TENM3: variants seen among roughly 807,000 people sequenced by gnomAD.
The protein encoded by TENM3 is teneurin-3.
In TENM3, 63 loss-of-function variants were observed where a neutral mutation model predicts 255.1. That is an observed-to-expected ratio of 0.25 (90% CI 0.20 to 0.30). The LOEUF is 0.30. TENM3 is among the 10% of genes least tolerant of loss of function. The pLI is 1.00. For missense variants in TENM3, 2,929 were observed against 3,461.1 expected, an observed-to-expected ratio of 0.85 and a Z score of 3.86; for synonymous variants, 1,306 against 1,322.3, an observed-to-expected ratio of 0.99 and a Z score of 0.27.
At chr4:182,571,264 G>A (rs558186629) in intron 3 of TENM3, among the ~76,000 whole-genome samples, 13 of 152,250 alleles carry the variant, frequency 8.5e-5, no homozygotes, top group East Asian at 3.9e-4. Flanking sequence ...GATGGCTCCC[G>A]CCTGTAATCC....
intron 1 of TENM3, among the ~76,000 whole-genome samples, chr4:182,220,388 A>AAAAAAAAAC (rs1755780434): frequency 6.7e-6 from 1 of 149,872 alleles, no homozygotes; most frequent in African/African-American, 2.5e-5. Context: ...CAAAAAAAAA[A>AAAAAAAAAC]AAAAAAAAAA....
the TENM3 span, among the ~76,000 whole-genome samples, chr4:181,669,047 T>C: frequency 1.3e-5 from 2 of 152,166 alleles, no homozygotes; most frequent in African/African-American, 4.8e-5. Flanking sequence ...TCATTAGTAG[T>C]AACTCAGGCT....
At chr4:182,777,956 C>T (rs1171895706) in intron 24 of TENM3, among the ~76,000 whole-genome samples, 1 of 151,490 alleles carries the variant, frequency 6.6e-6, no homozygotes, top group East Asian at 1.9e-4. Flanking sequence ...TTCTGTGAAA[C>T]AGTACATTAG....
intron 3 of TENM3, among the ~76,000 whole-genome samples, chr4:182,486,006 G>A (rs1734667878): frequency 6.6e-6 from 1 of 152,120 alleles, no homozygotes; most frequent in Non-Finnish European, 1.5e-5. Flanking sequence ...AAGGAAAGCT[G>A]AGCTAGGGAC....
At chr4:182,346,624 T>G in intron 2 of TENM3, 27 bp from the exon 3 acceptor site, 3 of 1,594,476 alleles carry the variant, frequency 1.9e-6, no homozygotes, top group Non-Finnish European at 2.6e-6. Context: ...TACTCACTAG[T>G]TGTTATCTTT....
Position 182,621,737 on chromosome 4 carries a change from A to T in TENM3, c.750-6914A>T, listed in dbSNP as rs62339132. ...AATATATATTATATATAAAATATAT[A>T]ATATATAATATATTATAATATATAA... On this transcript the variant is annotated intron_variant, in intron 4 of 27. Coordinates refer to ENST00000511685, the MANE Select transcript of TENM3 (RefSeq NM_001080477.4). 0.012 allele frequency among the ~76,000 whole-genome samples: 25 copies of T among 2,154 alleles called. 2 individuals are homozygous for T. In the East Asian group the frequency reaches 0.19, roughly 16 times the overall value. The allele number at this position is 2,154 out of a possible 152,430, so 1.4% of individuals were successfully genotyped here. A position where few individuals can be genotyped will look rare whatever the true frequency, so the allele number is the denominator to read the frequency against.
intron 22 of TENM3, among the ~76,000 whole-genome samples, chr4:182,766,511 A>C (rs1007664929): frequency 6.6e-6 from 1 of 152,186 alleles, no homozygotes. Flanking sequence ...AGGCCTGTGA[A>C]TTTCAGAGCT....
chr4:181,759,544 G>A, the TENM3 span, among the ~76,000 whole-genome samples: 1 of 152,040 alleles, frequency 6.6e-6, no homozygotes, highest in African/African-American at 2.4e-5. Context: ...CTGTTCATAA[G>A]CATGAAAAAC....
chr4:182,582,926 T>G (rs548287031), intron 3 of TENM3, among the ~76,000 whole-genome samples: 1 of 152,230 alleles, frequency 6.6e-6, no homozygotes, highest in Admixed American at 6.5e-5. Context: ...CTCTTTTCCC[T>G]GTGCAGTATC....
At chr4:182,283,892 C>T (rs569361949) in intron 1 of TENM3, among the ~76,000 whole-genome samples, 6 of 152,134 alleles carry the variant, frequency 3.9e-5, no homozygotes, top group Admixed American at 1.3e-4. Context: ...TATTTTTAAG[C>T]GGTTTAAGAA....
chr4:182,538,157 G>A (rs951880487), intron 3 of TENM3, among the ~76,000 whole-genome samples: 3 of 152,104 alleles, frequency 2.0e-5, no homozygotes, highest in Admixed American at 1.3e-4. Flanking sequence ...GCATCCGCAC[G>A]TCTCTTCTGT....
upstream of TENM3, among the ~76,000 whole-genome samples, chr4:182,241,335 CAT>C (rs1258659794): frequency 2.0e-5 from 3 of 152,228 alleles, no homozygotes; most frequent in Non-Finnish European, 4.4e-5. Flanking sequence ...GGTCAACACA[CAT>C]GTTCTCTGTT....
At chr4:181,553,866 C>A in the TENM3 span, among the ~76,000 whole-genome samples, 1 of 151,874 alleles carries the variant, frequency 6.6e-6, no homozygotes, top group East Asian at 1.9e-4. Context: ...CAGGACTTCT[C>A]CCTTTAAGTG....
chr4:182,472,795 A>G (rs2151462082), intron 3 of TENM3, among the ~76,000 whole-genome samples: 1 of 152,210 alleles, frequency 6.6e-6, no homozygotes, highest in Non-Finnish European at 1.5e-5. Context: ...AGCTCATTAC[A>G]GCTTTGACCT....
chr4:182,694,403 C>T (rs983375838), intron 12 of TENM3, among the ~76,000 whole-genome samples: 1 of 152,052 alleles, frequency 6.6e-6, no homozygotes, highest in African/African-American at 2.4e-5. Context: ...CATGAGCCAC[C>T]GCACCCAGCC....
intron 3 of TENM3, among the ~76,000 whole-genome samples, chr4:182,532,805 T>G (rs1739908462): frequency 6.6e-6 from 1 of 152,194 alleles, no homozygotes; most frequent in Admixed American, 6.5e-5. Context: ...CTTTAAAAAA[T>G]GAAATATTGG....
At chr4:181,456,563 C>T in the TENM3 span, among the ~76,000 whole-genome samples, 1 of 151,852 alleles carries the variant, frequency 6.6e-6, no homozygotes. Context: ...ACTCTTCTAT[C>T]ATGATAAACT....
intron 6 of TENM3, among the ~76,000 whole-genome samples, chr4:182,672,319 A>G (rs1308500702): frequency 6.6e-6 from 1 of 152,158 alleles, no homozygotes; most frequent in Non-Finnish European, 1.5e-5. Flanking sequence ...GTCAGAAGTA[A>G]CACAGTATGT....
the TENM3 span, among the ~76,000 whole-genome samples, chr4:181,528,591 A>G: frequency 6.9e-3 from 1,051 of 152,360 alleles, 14 homozygotes; most frequent in African/African-American, 0.024. Flanking sequence ...GCATTAAATC[A>G]TTTAATCCTC....
Sources: allele counts gnomAD v4.1 joint callset (sites outside exome capture counted in the v4.1 genomes callset), GRCh38; gene constraint gnomAD v4.1.1; transcripts MANE v1.5; gene names NCBI Gene and HGNC (gene_info 2026-07-23, HGNC 2026-07-21).